Variants in SIK2 observed in about 807,000 individuals in gnomAD.
SIK2 encodes salt inducible kinase 2.
In SIK2, 29 loss-of-function variants were observed where a neutral mutation model predicts 103.2. The ratio of observed to expected loss-of-function variants is 0.28; its 90% confidence interval spans 0.21 to 0.38. The LOEUF (loss-of-function observed/expected upper bound fraction) is 0.38, where lower values mean the gene tolerates loss of function less well. Ranked by LOEUF, SIK2 falls within the 10% of genes least tolerant of loss-of-function variation. The pLI is 1.00. For synonymous variants in SIK2, 412 were observed against 446.1 expected, an observed-to-expected ratio of 0.92 and a Z score of 0.96; for missense variants, 879 against 1,171.0, an observed-to-expected ratio of 0.75 and a Z score of 3.64.
Position 111,688,342 on chromosome 11 carries a change from CATT to C in SIK2, c.478+185_478+187del, listed in dbSNP as rs1305557897. Among the ~76,000 whole-genome samples the C allele has an allele frequency of 6.6e-6, 1 of 152,140 alleles. No individual in the cohort carries two copies. Among genetic ancestry groups the C allele is most frequent in the Non-Finnish European group, 1.5e-5 (1 of 68,016 alleles). ...GTAATTAAAAGTAAGGGAATGAGTT[CATT>C]ATTAATATACACAGGTCAGAGCTAC... On this transcript the variant is annotated intron_variant, in intron 4 of 14. Coordinates refer to ENST00000304987, the MANE Select transcript of SIK2 (RefSeq NM_015191.3). The surrounding 1 kb of genome is among the most constrained non-coding windows in gnomAD (Gnocchi z 4.2).
At chr11:111,616,408 C>G (rs779481020) in intron 2 of SIK2, 49 bp downstream of exon 2, 1 of 1,002,490 alleles carries the variant, frequency 1.0e-6, no homozygotes, top group Non-Finnish European at 1.5e-6. Context: ...AGATAGTTCT[C>G]TATTTCGTAT....
intron 3 of SIK2, among the ~76,000 whole-genome samples, chr11:111,660,397 T>C (rs935137002): frequency 6.6e-6 from 1 of 152,210 alleles, no homozygotes; most frequent in African/African-American, 2.4e-5. Context: ...CTGAAGAAAA[T>C]TGAGTTTACT....
intron 4 of SIK2, among the ~76,000 whole-genome samples, chr11:111,699,702 G>A (rs1446490934): frequency 6.6e-6 from 1 of 152,204 alleles, no homozygotes; most frequent in East Asian, 1.9e-4. Context: ...TGCCTAAGGT[G>A]CACATGTATG....
intron 3 of SIK2, among the ~76,000 whole-genome samples, chr11:111,634,099 A>C (rs1942074198): frequency 6.6e-6 from 1 of 152,206 alleles, no homozygotes; most frequent in African/African-American, 2.4e-5. Flanking sequence ...TGGCCTGGTA[A>C]TTAAATTACC....
At chr11:111,611,356 G>T (rs1337118749) in intron 1 of SIK2, among the ~76,000 whole-genome samples, 1 of 151,902 alleles carries the variant, frequency 6.6e-6, no homozygotes, top group Non-Finnish European at 1.5e-5. Flanking sequence ...GATTTTTAAG[G>T]TTCATAATAA....
chr11:111,622,452 C>T (rs7119893), intron 3 of SIK2, among the ~76,000 whole-genome samples: 87,440 of 151,538 alleles, frequency 0.58, 29,173 homozygotes, highest in East Asian at 0.96. Flanking sequence ...GACGGGGTTT[C>T]ACCGTGTTAG....
At chr11:111,665,451 A>C (rs890972671) in intron 3 of SIK2, among the ~76,000 whole-genome samples, 1 of 152,158 alleles carries the variant, frequency 6.6e-6, no homozygotes, top group Non-Finnish European at 1.5e-5. Flanking sequence ...TCAAGGCTGC[A>C]GTGACCGTGA....
At chr11:111,691,235 A>C (rs1942935437) in intron 4 of SIK2, among the ~76,000 whole-genome samples, 1 of 152,112 alleles carries the variant, frequency 6.6e-6, no homozygotes, top group Admixed American at 6.6e-5. Context: ...TTAGTATCTA[A>C]TCTTCAAGCC....
intron 3 of SIK2, chr11:111,671,818 C>G (rs539099672): frequency 7.4e-6 from 3 of 402,904 alleles, no homozygotes; most frequent in African/African-American, 4.2e-5. Context: ...ATTCGTTTTC[C>G]TTCTCTGTAT....
chr11:111,671,266 A>G, intron 3 of SIK2: 1 of 250,672 alleles, frequency 4.0e-6, no homozygotes, highest in Non-Finnish European at 7.9e-6. Flanking sequence ...GGCTAAATTG[A>G]TGTTCATGAG....
intron 3 of SIK2, among the ~76,000 whole-genome samples, chr11:111,648,856 T>C (rs1228508649): frequency 6.6e-6 from 1 of 152,100 alleles, no homozygotes; most frequent in African/African-American, 2.4e-5. Context: ...GGAACAAAAA[T>C]GAGACAGCTC....
chr11:111,632,862 A>G (rs1337592464), intron 3 of SIK2, among the ~76,000 whole-genome samples: 2 of 152,168 alleles, frequency 1.3e-5, no homozygotes, highest in Non-Finnish European at 2.9e-5. Context: ...AAAGCATTTA[A>G]TGGTTTTGTC....
intron 3 of SIK2, among the ~76,000 whole-genome samples, chr11:111,664,408 G>A (rs1254801733): frequency 2.6e-5 from 4 of 152,102 alleles, no homozygotes; most frequent in Admixed American, 2.0e-4. Context: ...TTGAGGTCAG[G>A]AGTTGGTGAC....
At chr11:111,604,985 C>T (rs1300264718) in intron 1 of SIK2, among the ~76,000 whole-genome samples, 1 of 146,988 alleles carries the variant, frequency 6.8e-6, no homozygotes, top group East Asian at 2.0e-4. Flanking sequence ...TGAGACGGAG[C>T]CTCGCTCTTG....
intron 4 of SIK2, among the ~76,000 whole-genome samples, chr11:111,695,591 T>C (rs2135909644): frequency 6.6e-6 from 1 of 152,320 alleles, no homozygotes; most frequent in Middle Eastern, 3.4e-3. Context: ...TTCTGGCTAG[T>C]CAAAAAGTGG....
Position 111,705,559 on chromosome 11 carries a change from G to T in SIK2, c.1101+420G>T, listed in dbSNP as rs1312095571. ...TCATAAACAACCATCATTCAAAATA[G>T]GGAAAGATGAGAGCTGTAGCAGAGC... On this transcript the variant is annotated intron_variant, in intron 8 of 14. Coordinates refer to ENST00000304987, the MANE Select transcript of SIK2 (RefSeq NM_015191.3). The surrounding 1 kb of genome is among the most constrained non-coding windows in gnomAD (Gnocchi z 4.3). Among the ~76,000 whole-genome samples, 1 of 152,136 alleles carries T rather than the reference G, an allele frequency of 6.6e-6. No individual in the cohort carries two copies. The highest frequency in any genetic ancestry group is 1.5e-5 in the Non-Finnish European group (1 of 68,026).
At chr11:111,667,488 C>CTTT (rs565449284) in intron 3 of SIK2, among the ~76,000 whole-genome samples, 4 of 105,368 alleles carry the variant, frequency 3.8e-5, no homozygotes, top group African/African-American at 9.7e-5. Context: ...TGTTGGTTAT[C>CTTT]TTTTTTTTTT....
At chr11:111,676,097 C>T (rs1565348185) in intron 3 of SIK2, among the ~76,000 whole-genome samples, 1 of 152,176 alleles carries the variant, frequency 6.6e-6, no homozygotes, top group Non-Finnish European at 1.5e-5. Context: ...AGTATTTCCT[C>T]CTTTTTATGG....
intron 3 of SIK2, among the ~76,000 whole-genome samples, chr11:111,674,009 G>A (rs1942664075): frequency 6.6e-6 from 1 of 151,118 alleles, no homozygotes; most frequent in Non-Finnish European, 1.5e-5. Context: ...GCGAGACGGA[G>A]GTTGCAGTGA....
Sources: gnomAD v4.1 joint callset for allele counts (sites outside exome capture counted in the v4.1 genomes callset) on GRCh38, gnomAD v4.1.1 for gene constraint, Gnocchi (gnomAD v3.1) non-coding constraint, MANE v1.5 for transcripts, NCBI Gene and HGNC (gene_info 2026-07-23, HGNC 2026-07-21) for gene names.